The following COL4A1 variants were observed in gnomAD, a reference collection of about 807,000 sequenced individuals.
The protein encoded by COL4A1 is collagen type IV alpha 1 chain, also known as collagen alpha-1(IV) chain.
COL4A1 carries 40 observed loss-of-function variants against 216.6 expected under a neutral mutation model. The ratio of observed to expected loss-of-function variants is 0.18; its 90% CI spans 0.14 to 0.24. The LOEUF is 0.24. Among genes scored for constraint, COL4A1 ranks in the 10% least tolerant of loss-of-function variants. COL4A1 has a pLI of 1.00. For missense variants in COL4A1, 1,628 were observed against 2,196.8 expected, an observed-to-expected ratio of 0.74 and a Z score of 5.18; for synonymous variants, 839 against 810.7, an observed-to-expected ratio of 1.03 and a Z score of -0.59.
intron 1 of COL4A1, among the ~76,000 whole-genome samples, chr13:110,267,529 C>T (rs1263347724): frequency 6.6e-6 from 1 of 152,142 alleles, no homozygotes; most frequent in African/African-American, 2.4e-5. Context: ...CTCCAAAGAG[C>T]TCTCAGTCTC....
At chr13:110,209,558 C>T in intron 10 of COL4A1, 131 bp from the exon 11 acceptor site, 1 of 750,440 alleles carries the variant, frequency 1.3e-6, no homozygotes, top group South Asian at 1.8e-5. Flanking sequence ...TTTTCCTGGG[C>T]TTCCCCTCCC....
Position 110,306,757 on chromosome 13 carries a change from C to T in COL4A1, c.84+187G>A, listed in dbSNP as rs529891586. On this transcript the variant is annotated intron_variant, in intron 1 of 51. Coordinates refer to ENST00000375820, the MANE Select transcript of COL4A1 (RefSeq NM_001845.6). ...TACCCATACCATAACAAAGGAGGCTCGGTCCACCAATGCGCGATCGTAGCC... is the reference window on the plus strand; with the variant it reads ...TACCCATACCATAACAAAGGAGGCTTGGTCCACCAATGCGCGATCGTAGCC... 5.3e-5 allele frequency among the ~76,000 whole-genome samples: 8 copies of T among 152,360 alleles called. No individual in the cohort carries two copies. The South Asian group carries it at 1.4e-3, about 28-fold the overall frequency.
At position 110,217,378 on chromosome 13, in the gene COL4A1, A is replaced by G. The variant is rs1311696049; in HGVS notation, c.145-3363T>C. ...CTGGCAATGCTACTAACGTGACCAC[A>G]GTGACCCCCCACTTCCACTGGAGCT... is the stretch of plus-strand genomic sequence containing the variant. On this transcript the variant is annotated intron_variant, in intron 2 of 51. Coordinates refer to ENST00000375820, the MANE Select transcript of COL4A1 (RefSeq NM_001845.6). 4.6e-5 allele frequency among the ~76,000 whole-genome samples: 7 copies of G among 152,220 alleles called. 1 individual carries two copies. Among genetic ancestry groups the G allele is most frequent in the Non-Finnish European group, 7.3e-5 (5 of 68,034 alleles).
chr13:110,203,850 T>C (rs1231631513), intron 17 of COL4A1, among the ~76,000 whole-genome samples: 1 of 146,376 alleles, frequency 6.8e-6, no homozygotes, highest in African/African-American at 2.8e-5. Context: ...GGGGGCTAAT[T>C]ATTCTCCTTA....
chr13:110,225,354 C>T (rs959490217), intron 2 of COL4A1, among the ~76,000 whole-genome samples: 18 of 152,206 alleles, frequency 1.2e-4, no homozygotes, highest in African/African-American at 3.4e-4. Context: ...GAGGCCAAGG[C>T]GGGTGGATCA....
At chr13:110,162,898 G>A (rs972001653) in intron 47 of COL4A1, among the ~76,000 whole-genome samples, 5 of 152,216 alleles carry the variant, frequency 3.3e-5, no homozygotes, top group African/African-American at 1.2e-4. Context: ...CCCAAAGCCT[G>A]CGTATGGAAA....
intron 3 of COL4A1, 40 bp from the exon 4 acceptor site, chr13:110,213,866 T>C: frequency 6.2e-7 from 1 of 1,611,882 alleles, no homozygotes; most frequent in Non-Finnish European, 8.5e-7. Flanking sequence ...TGATCACCGC[T>C]ATCTCAAGAA....
chr13:110,264,285 A>G (rs1211186782), intron 1 of COL4A1, among the ~76,000 whole-genome samples: 1 of 152,210 alleles, frequency 6.6e-6, no homozygotes, highest in African/African-American at 2.4e-5. Context: ...GTGTATTTTC[A>G]GCTCTCAGAA....
intron 2 of COL4A1, among the ~76,000 whole-genome samples, chr13:110,216,050 G>A (rs1008117463): frequency 6.6e-6 from 1 of 152,206 alleles, no homozygotes; most frequent in African/African-American, 2.4e-5. Flanking sequence ...GAATCAAACA[G>A]TAAATGGATT....
At chr13:110,194,953 C>T (rs1163805992) in intron 22 of COL4A1, 70 bp downstream of exon 22, 19 of 1,397,520 alleles carry the variant, frequency 1.4e-5, no homozygotes, top group African/African-American at 4.3e-5. Flanking sequence ...GCTCCAAAGC[C>T]GGTAAGTATG....
rs769913379 is a variant in COL4A1 at position 110,183,280 on chromosome 13, G to T, written c.1898-4C>A. 1 of 1,611,994 alleles carries T rather than the reference G, an allele frequency of 6.2e-7. No individual in the cohort carries two copies. Among genetic ancestry groups the T allele is most frequent in the Non-Finnish European group, 8.5e-7 (1 of 1,179,242 alleles). ...TTTCCTGGTTCACCCTTTGGACCTA[G>T]AGGAAAAAAAGAGCAAAGACAAACG... On this transcript the variant is annotated splice_region_variant and splice_polypyrimidine_tract_variant and intron_variant, in intron 26 of 51. Coordinates refer to ENST00000375820, the MANE Select transcript of COL4A1 (RefSeq NM_001845.6).
chr13:110,213,744 G>T (rs768027625), intron 4 of COL4A1, 38 bp downstream of exon 4: 27 of 1,606,440 alleles, frequency 1.7e-5, no homozygotes, highest in Non-Finnish European at 2.2e-5. Flanking sequence ...CCTGTCCCAC[G>T]CATGGAATCA....
rs201002415 is a variant in COL4A1 at position 110,203,530 on chromosome 13, C to G, written c.999+36G>C. On this transcript the variant is annotated intron_variant, in intron 18 of 51. Coordinates refer to ENST00000375820, the MANE Select transcript of COL4A1 (RefSeq NM_001845.6). Reference sequence around the variant, plus strand: ...CAGGGTCCTCTCCTTCCTCCCCCAGCGCTCTCACAGACCCAGGGACAGCAC... The same window carrying G: ...CAGGGTCCTCTCCTTCCTCCCCCAGGGCTCTCACAGACCCAGGGACAGCAC... 9 of 1,608,800 alleles carry G rather than the reference C, an allele frequency of 5.6e-6. No individual in the cohort carries two copies. The South Asian group carries it at 9.9e-5, about 18-fold the overall frequency.
intron 2 of COL4A1, among the ~76,000 whole-genome samples, chr13:110,219,301 A>G (rs566303913): frequency 6.6e-6 from 1 of 152,330 alleles, no homozygotes; most frequent in South Asian, 2.1e-4. Flanking sequence ...AAGGATGTAT[A>G]TGTGTTCACT....
intron 24 of COL4A1, among the ~76,000 whole-genome samples, chr13:110,188,066 C>G (rs1397198768): frequency 6.6e-6 from 1 of 152,190 alleles, no homozygotes; most frequent in Non-Finnish European, 1.5e-5. Context: ...AAAGTTAAAA[C>G]TGCAAAGAAC....
chr13:110,161,415 C>A, intron 48 of COL4A1, 46 bp from the exon 49 acceptor site: 1 of 1,556,198 alleles, frequency 6.4e-7, no homozygotes, highest in Non-Finnish European at 8.7e-7. Context: ...TTATAATTCA[C>A]AATCTATCTC....
At chr13:110,251,543 T>C (rs150449017) in intron 1 of COL4A1, among the ~76,000 whole-genome samples, 16 of 152,228 alleles carry the variant, frequency 1.1e-4, no homozygotes, top group Non-Finnish European at 2.2e-4. Flanking sequence ...GCAAGCTGGA[T>C]AAGGAAAGGT....
At chr13:110,220,505 G>A (rs1448472644) in intron 2 of COL4A1, among the ~76,000 whole-genome samples, 1 of 152,146 alleles carries the variant, frequency 6.6e-6, no homozygotes, top group Admixed American at 6.5e-5. Flanking sequence ...TGCTAGCCCA[G>A]GAAAAGATCA....
intron 2 of COL4A1, among the ~76,000 whole-genome samples, chr13:110,214,981 A>G (rs1219310384): frequency 6.6e-6 from 1 of 152,212 alleles, no homozygotes; most frequent in Non-Finnish European, 1.5e-5. Context: ...AATCCTTTAT[A>G]TGTACTTAAT....
Sources: allele counts gnomAD v4.1 joint callset (sites outside exome capture counted in the v4.1 genomes callset), GRCh38; gene constraint gnomAD v4.1.1; transcripts MANE v1.5; gene names NCBI Gene and HGNC (gene_info 2026-07-23, HGNC 2026-07-21).